The following TMEM132D variants were observed in gnomAD, a reference collection of about 807,000 sequenced individuals.
TMEM132D encodes the protein mature OL transmembrane protein.
TMEM132D carries 21 observed loss-of-function variants against 62.3 expected under a neutral mutation model. That is an observed-to-expected ratio of 0.34 (90% CI 0.24 to 0.49). The LOEUF (loss-of-function observed/expected upper bound fraction) is 0.49, where lower values mean the gene tolerates loss of function less well. Ranked by LOEUF, TMEM132D falls within the 20% of genes least tolerant of loss-of-function variation. The pLI, the probability that TMEM132D is intolerant of heterozygous loss-of-function variation, is 0.99. For synonymous variants in TMEM132D, 621 were observed against 575.6 expected, an observed-to-expected ratio of 1.08 and a Z score of -1.13; for missense variants, 1,346 against 1,402.8, an observed-to-expected ratio of 0.96 and a Z score of 0.65.
chr12:129,172,112 G>A (rs1877752908), intron 5 of TMEM132D, among the ~76,000 whole-genome samples: 1 of 152,198 alleles, frequency 6.6e-6, no homozygotes, highest in Non-Finnish European at 1.5e-5. Context: ...ACTTGCTGCA[G>A]CTTCTCCATC....
intron 3 of TMEM132D, among the ~76,000 whole-genome samples, chr12:129,487,187 C>T (rs990043203): frequency 8.6e-5 from 13 of 152,044 alleles, no homozygotes; most frequent in African/African-American, 3.1e-4. Flanking sequence ...TAGAACAGCC[C>T]CAGCGTGCAT....
intron 2 of TMEM132D, among the ~76,000 whole-genome samples, chr12:129,561,809 C>A (rs1449311159): frequency 6.6e-6 from 1 of 152,118 alleles, no homozygotes; most frequent in Admixed American, 6.5e-5. Flanking sequence ...GAATATAAAT[C>A]TCAGGAGGTT....
intron 1 of TMEM132D, among the ~76,000 whole-genome samples, chr12:129,830,152 G>A (rs1052452367): frequency 6.6e-6 from 1 of 152,086 alleles, no homozygotes; most frequent in Non-Finnish European, 1.5e-5. Context: ...TCAGTCAATG[G>A]AAGGATTGAA....
chr12:129,303,947 C>G (rs1187590723), intron 4 of TMEM132D, among the ~76,000 whole-genome samples: 1 of 152,150 alleles, frequency 6.6e-6, no homozygotes, highest in African/African-American at 2.4e-5. Context: ...AGGGGAAATT[C>G]ACCCTGCCTC....
At chr12:129,828,521 C>T (rs1051319099) in intron 1 of TMEM132D, among the ~76,000 whole-genome samples, 3 of 150,950 alleles carry the variant, frequency 2.0e-5, no homozygotes, top group East Asian at 2.0e-4. Context: ...TTACCTATTA[C>T]GTTGGTACAA....
chr12:129,471,814 G>A (rs1874100560), intron 3 of TMEM132D, among the ~76,000 whole-genome samples: 1 of 152,182 alleles, frequency 6.6e-6, no homozygotes, highest in Non-Finnish European at 1.5e-5. Flanking sequence ...CCTTATTGCT[G>A]ACTGGAAAAA....
intron 4 of TMEM132D, among the ~76,000 whole-genome samples, chr12:129,287,740 T>TA (rs35245092): frequency 0.73 from 111,317 of 151,900 alleles, 41,639 homozygotes; most frequent in Admixed American, 0.84. Flanking sequence ...GTATTCATGT[T>TA]AAAAAAGGTT....
intron 2 of TMEM132D, among the ~76,000 whole-genome samples, chr12:129,576,393 A>T (rs1450391459): frequency 6.6e-6 from 1 of 151,906 alleles, no homozygotes; most frequent in Non-Finnish European, 1.5e-5. Flanking sequence ...CCAGAGAAAC[A>T]GAACAACAGA....
intron 3 of TMEM132D, among the ~76,000 whole-genome samples, chr12:129,528,515 C>T (rs1279491509): frequency 2.6e-5 from 4 of 151,940 alleles, no homozygotes; most frequent in African/African-American, 9.7e-5. Flanking sequence ...TCCCAGCTTC[C>T]CAGTTCTCTC....
intron 2 of TMEM132D, among the ~76,000 whole-genome samples, chr12:129,619,158 G>T (rs1878997802): frequency 6.6e-6 from 1 of 152,162 alleles, no homozygotes; most frequent in Non-Finnish European, 1.5e-5. Context: ...AATGAGGCAT[G>T]TCCCACCCCT....
intron 4 of TMEM132D, among the ~76,000 whole-genome samples, chr12:129,299,027 T>G (rs1881643159): frequency 6.6e-6 from 1 of 152,176 alleles, no homozygotes; most frequent in Admixed American, 6.5e-5. Context: ...AAAACCGACT[T>G]CACTGCACTC....
chr12:129,792,712 C>G (rs1442105165), intron 1 of TMEM132D, among the ~76,000 whole-genome samples: 4 of 152,174 alleles, frequency 2.6e-5, no homozygotes, highest in African/African-American at 9.7e-5. Context: ...AGGACTCTAA[C>G]TTGGATGCGG....
At chr12:129,864,920 C>T (rs1401753888) in intron 1 of TMEM132D, among the ~76,000 whole-genome samples, 1 of 152,158 alleles carries the variant, frequency 6.6e-6, no homozygotes, top group African/African-American at 2.4e-5. Flanking sequence ...AAGGTTCAGT[C>T]GTGCAAGATG....
chr12:129,365,570 G>A (rs1167339192), intron 3 of TMEM132D, among the ~76,000 whole-genome samples: 1 of 152,162 alleles, frequency 6.6e-6, no homozygotes, highest in Non-Finnish European at 1.5e-5. Context: ...AAGGAAGAAA[G>A]AGGAACCAGG....
chr12:129,555,450 C>T (rs1351000162), intron 2 of TMEM132D, among the ~76,000 whole-genome samples: 4 of 152,150 alleles, frequency 2.6e-5, no homozygotes, highest in Non-Finnish European at 2.9e-5. Context: ...AAAAAAATGT[C>T]GGCCTTATTA....
intron 3 of TMEM132D, among the ~76,000 whole-genome samples, chr12:129,380,555 C>T (rs1010781784): frequency 3.2e-5 from 3 of 94,764 alleles, no homozygotes; most frequent in African/African-American, 7.9e-5. Context: ...TACTTGCAGA[C>T]GTTGTGTGTG....
chr12:129,490,595 A>C (rs1253066858), intron 3 of TMEM132D, among the ~76,000 whole-genome samples: 1 of 63,446 alleles, frequency 1.6e-5, no homozygotes, highest in Non-Finnish European at 2.6e-5. Context: ...ACGCCCGGCT[A>C]ATTTTTTTTT....
intron 2 of TMEM132D, among the ~76,000 whole-genome samples, chr12:129,548,490 G>A (rs1053542188): frequency 3.9e-5 from 6 of 152,172 alleles, no homozygotes; most frequent in East Asian, 1.9e-4. Flanking sequence ...TCTCAGTCAC[G>A]CCATAAAATC....
chr12:129,582,234 G>T (rs140230353), intron 2 of TMEM132D, among the ~76,000 whole-genome samples: 116 of 152,322 alleles, frequency 7.6e-4, no homozygotes, highest in African/African-American at 2.4e-3. Context: ...TTTCCTTCCA[G>T]ATGTTTTGGG....
Sources: allele counts gnomAD v4.1 joint callset (sites outside exome capture counted in the v4.1 genomes callset), GRCh38; gene constraint gnomAD v4.1.1; transcripts MANE v1.5; gene names NCBI Gene and HGNC (gene_info 2026-07-23, HGNC 2026-07-21).